Variants in RIBC2 observed in about 807,000 individuals in gnomAD.
The protein encoded by RIBC2 is RIB43A-like with coiled-coils protein 2.
RIBC2 carries 40 observed loss-of-function variants against 44.3 expected under a neutral mutation model. That is an observed-to-expected ratio of 0.90 (90% CI 0.70 to 1.18). RIBC2 has a LOEUF of 1.18. Ranked by LOEUF, RIBC2 falls within the 50% of genes most tolerant of loss-of-function variation. The pLI, the probability that RIBC2 is intolerant of heterozygous loss-of-function variation, is 0.00. For synonymous variants in RIBC2, 171 were observed against 175.0 expected, an observed-to-expected ratio of 0.98 and a Z score of 0.18; for missense variants, 459 against 485.5, an observed-to-expected ratio of 0.95 and a Z score of 0.51.
At chr22:45,416,402 T>C (rs80328474) in intron 2 of RIBC2, among the ~76,000 whole-genome samples, 2,532 of 152,246 alleles carry the variant, frequency 0.017, 73 homozygotes, top group African/African-American at 0.056. Flanking sequence ...TATTGAAAAA[T>C]TGTTTCGTTG....
chr22:45,414,432 G>T, intron 2 of RIBC2, 29 bp downstream of exon 2: 1 of 1,483,402 alleles, frequency 6.7e-7, no homozygotes, highest in South Asian at 1.3e-5. Flanking sequence ...CTTATCTATT[G>T]GTTTAGGATT....
chr22:45,422,324 C>G lies in RIBC2; in HGVS notation c.591C>G (p.Asp197Glu). The change falls in exon 4 of 7, where the codon GAC (aspartate) becomes GAG (glutamate). Residue 197 changes from aspartate (D) to glutamate (E), a missense_variant. Asp to Glu is a conservative substitution (Grantham distance 45). Coordinates refer to ENST00000614167, the MANE Select transcript of RIBC2 (RefSeq NM_015653.5). ...ALYTETRLQF[D>E]ETAKHLQKLE... ...ACACAGAGACAAGGCTGCAGTTTGA[C>G]GAGACAGCCAAGCACCTCCAGAAGC... is the stretch of plus-strand genomic sequence containing the variant. 6.2e-7 allele frequency: 1 copy of G among 1,614,130 alleles called. No homozygotes were observed. Among genetic ancestry groups the G allele is most frequent in the South Asian group, 1.1e-5 (1 of 91,080 alleles).
chr22:45,421,532 TTATTAATAATATTAATAA>T (rs1408801003), intron 3 of RIBC2, among the ~76,000 whole-genome samples: 1 of 31,374 alleles, frequency 3.2e-5, no homozygotes, highest in Admixed American at 3.1e-4. Flanking sequence ...AATAATAGTA[TTATTAATAATATTAATAA>T]TAATAATAGT....
chr22:45,415,068 G>A (rs1051650536), intron 2 of RIBC2, among the ~76,000 whole-genome samples: 79 of 151,644 alleles, frequency 5.2e-4, no homozygotes, highest in African/African-American at 1.8e-3. Context: ...TTCCCCTATC[G>A]TGTCCAACAA....
At chr22:45,419,681 C>G (rs191056627) in intron 3 of RIBC2, among the ~76,000 whole-genome samples, 1 of 150,510 alleles carries the variant, frequency 6.6e-6, no homozygotes, top group African/African-American at 2.4e-5. Context: ...TACAGTGAGC[C>G]GTGATTGTGC....
At chr22:45,429,932 T>C (rs997857556) in intron 5 of RIBC2, among the ~76,000 whole-genome samples, 1 of 152,196 alleles carries the variant, frequency 6.6e-6, no homozygotes, top group East Asian at 1.9e-4. Flanking sequence ...TGGAGGTAAC[T>C]GGGAAAGTTG....
At chr22:45,429,702 C>T (rs753030771) in intron 5 of RIBC2, among the ~76,000 whole-genome samples, 6 of 152,138 alleles carry the variant, frequency 3.9e-5, no homozygotes, top group Non-Finnish European at 8.8e-5. Flanking sequence ...GGGTCCAGGG[C>T]CCTGCTCTGT....
At chr22:45,416,833 C>G (rs920776379) in intron 2 of RIBC2, among the ~76,000 whole-genome samples, 1 of 150,862 alleles carries the variant, frequency 6.6e-6, no homozygotes, top group Non-Finnish European at 1.5e-5. Flanking sequence ...ATTTTGCCTT[C>G]GATTCATTGG....
rs756054937 is a variant in RIBC2, at chr22:45,430,951, A to C, written c.955A>C (p.Ile319Leu). ...AGACCTGGACTGGGACCGGCGGAGGATTCAGGGGGCTCGCGCCACCCTGCT... is the reference window on the plus strand; with the variant it reads ...AGACCTGGACTGGGACCGGCGGAGGCTTCAGGGGGCTCGCGCCACCCTGCT... ...QRDLDWDRRRIQGARATLLFE... is the reference protein window; with the variant it reads ...QRDLDWDRRRLQGARATLLFE... Residue 319 changes from isoleucine (I) to leucine (L), a missense_variant, in exon 6 of 7, where the codon ATT becomes CTT. Ile to Leu is a conservative substitution (Grantham distance 5). Transcript: ENST00000614167. 76 of 1,610,478 alleles carry C rather than the reference A, an allele frequency of 4.7e-5. No homozygotes were observed. Among genetic ancestry groups the C allele is most frequent in the Non-Finnish European group, 6.3e-5 (74 of 1,178,544 alleles).
At chr22:45,418,950 A>T (rs1448135775) in intron 3 of RIBC2, among the ~76,000 whole-genome samples, 1 of 152,142 alleles carries the variant, frequency 6.6e-6, no homozygotes, top group Non-Finnish European at 1.5e-5. Context: ...ATCTGGACCT[A>T]ACAGTCGATC....
Position 45,414,337 on chromosome 22 carries a change from TG to T in RIBC2, c.148del (p.Asp50MetfsTer9). On this transcript the variant is annotated frameshift_variant, in exon 2 of 7. Transcript: ENST00000614167. LOFTEE classifies it high-confidence loss of function. The part of the protein sequence containing the change: ...NRIIGGDTEA[W>X]DVQVHDQKIK... ...CCATTTATAGGGAGACACTGAAGCC[TG>T]GGATGTTCAAGTTCATGACCAGAAG... 1 of 1,551,072 alleles carries T rather than the reference TG, an allele frequency of 6.4e-7. No individual in the cohort carries two copies. Among genetic ancestry groups the T allele is most frequent in the Non-Finnish European group, 8.7e-7 (1 of 1,146,786 alleles).
At chr22:45,421,518 TAATAATAATAGTATTATTAATAATATTAA>T (rs1266296893) in intron 3 of RIBC2, among the ~76,000 whole-genome samples, 3,438 of 45,226 alleles carry the variant, frequency 0.076, 184 homozygotes, top group African/African-American at 0.33. Context: ...GTATTATTAA[TAATAATAATAGTATTATTAATAATATTAA>T]TAATAATAAT....
intron 5 of RIBC2, among the ~76,000 whole-genome samples, chr22:45,428,760 G>A (rs2087554300): frequency 6.6e-6 from 1 of 152,182 alleles, no homozygotes; most frequent in African/African-American, 2.4e-5. Flanking sequence ...CAGCCTGGAG[G>A]AAGGGGACAG....
At chr22:45,422,847 G>A (rs994874326) in intron 4 of RIBC2, among the ~76,000 whole-genome samples, 1 of 152,080 alleles carries the variant, frequency 6.6e-6, no homozygotes, top group Admixed American at 6.6e-5. Context: ...ATCATAATGA[G>A]CTCGAACACT....
chr22:45,425,855 C>A, intron 4 of RIBC2, 93 bp from the exon 5 acceptor site: 1 of 1,079,226 alleles, frequency 9.3e-7, no homozygotes. Context: ...CATATCCTCC[C>A]CTCGAGGGCC....
chr22:45,430,940 A>G lies in RIBC2; in HGVS notation c.944A>G (p.Asp315Gly), dbSNP rs1168323954. The change falls in exon 6 of 7, where the codon GAC becomes GGC. Residue 315 changes from aspartate to glycine, a missense_variant. Physicochemically the swap from Asp to Gly is moderately conservative, Grantham distance 94. Coordinates refer to ENST00000614167, the MANE Select transcript of RIBC2 (RefSeq NM_015653.5). ...AAGCGCCAGCGAGACCTGGACTGGGACCGGCGGAGGATTCAGGGGGCTCGC... is the reference window on the plus strand; with the variant it reads ...AAGCGCCAGCGAGACCTGGACTGGGGCCGGCGGAGGATTCAGGGGGCTCGC... ...EEKRQRDLDW[D>G]RRRIQGARAT... 2 of 1,610,034 alleles carry G rather than the reference A, an allele frequency of 1.2e-6. No individual in the cohort carries two copies. The highest frequency in any genetic ancestry group is 4.5e-5 in the East Asian group (2 of 44,726).
chr22:45,427,691 G>A (rs937894048), intron 5 of RIBC2, among the ~76,000 whole-genome samples: 2 of 152,242 alleles, frequency 1.3e-5, no homozygotes, highest in African/African-American at 4.8e-5. Flanking sequence ...CTGGAGTGCA[G>A]TCATGCAGTC....
In RIBC2 at chr22:45,432,257, CTTTTT is replaced by C. The variant is rs747390850; in HGVS notation, c.1071-21_1071-17del. 2.6e-6 allele frequency: 3 copies of C among 1,146,572 alleles called. No individual in the cohort carries two copies. The South Asian group carries it at 4.6e-5, about 18-fold the overall frequency. 71.0% of individuals were successfully genotyped at this position (1,146,572 alleles called of 1,614,324 possible). The stretch of plus-strand genomic sequence containing the variant: ...ATAGGAAGTATACACATTTGCTGAC[CTTTTT>C]TTTTTCTCATTTTGTTATCAGGAAA... On this transcript the variant is annotated intron_variant, in intron 6 of 6. Transcript: ENST00000614167.
At chr22:45,416,494 G>A (rs1052349160) in intron 2 of RIBC2, among the ~76,000 whole-genome samples, 2 of 152,088 alleles carry the variant, frequency 1.3e-5, no homozygotes, top group Admixed American at 6.6e-5. Context: ...ATGGAGTCTT[G>A]CTCTGTCACC....
Sources: gnomAD v4.1 joint callset for allele counts (sites outside exome capture counted in the v4.1 genomes callset) on GRCh38, gnomAD v4.1.1 for gene constraint, MANE v1.5 for transcripts, NCBI Gene and HGNC (gene_info 2026-07-23, HGNC 2026-07-21) for gene names.